Variants in NUP93 observed in about 807,000 individuals in gnomAD.
NUP93 encodes the protein nuclear pore complex protein Nup93.
A neutral mutation model predicts 107.8 loss-of-function variants in NUP93; 55 were observed. The ratio of observed to expected loss-of-function variants is 0.51; its 90% CI spans 0.41 to 0.64. The LOEUF (loss-of-function observed/expected upper bound fraction) is 0.64, where lower values mean the gene tolerates loss of function less well. NUP93 is among the 30% of genes least tolerant of loss of function. The probability of loss-of-function intolerance (pLI) is 0.00; values close to 1 mark genes in which losing one functional copy is unlikely to be tolerated. For missense variants in NUP93, 937 were observed against 1,044.7 expected (o/e 0.90, Z 1.42); for synonymous variants, 390 against 397.5 (o/e 0.98, Z 0.22).
At chr16:56,815,969 C>A (rs1374760788) in intron 5 of NUP93, among the ~76,000 whole-genome samples, 1 of 148,522 alleles carries the variant, frequency 6.7e-6, no homozygotes, top group Non-Finnish European at 1.5e-5. Context: ...CTACTCTCTA[C>A]TGTTCTGTGA....
intron 13 of NUP93, 97 bp from the exon 14 acceptor site, chr16:56,834,031 A>T: frequency 1.9e-6 from 3 of 1,546,652 alleles, no homozygotes; most frequent in Non-Finnish European, 1.8e-6. Context: ...GCAGGAGTAG[A>T]TGCTGCTGGG....
At chr16:56,767,042 G>C (rs1442457224) in intron 3 of NUP93, among the ~76,000 whole-genome samples, 1 of 152,222 alleles carries the variant, frequency 6.6e-6, no homozygotes, top group Non-Finnish European at 1.5e-5. Context: ...TTGCACTTCA[G>C]ATTTGGAGAG....
Position 56,833,332 on chromosome 16 carries a change from A to C in NUP93, c.1463A>C (p.His488Pro). 6.2e-7 allele frequency: 1 copy of C among 1,606,708 alleles called. No homozygotes were observed. The highest frequency in any genetic ancestry group is 1.1e-5 in the South Asian group (1 of 89,630). Reference protein sequence around the residue: ...FLFRMERLRCHAVHVALVLFE... With the variant: ...FLFRMERLRCPAVHVALVLFE... ...TTCCGCATGGAGCGGCTGCGCTGCC[A>C]TGCTGTCCATGTAGCACTGGTGCTG... is the stretch of plus-strand genomic sequence containing the variant. The change falls in exon 13 of 22, where the codon CAT (histidine) becomes CCT (proline). Residue 488 changes from histidine (H) to proline (P), a missense_variant. Physicochemically the swap from His to Pro is moderately conservative, Grantham distance 77. Transcript: ENST00000308159.
At chr16:56,742,216 C>T (rs539606094) in intron 1 of NUP93, among the ~76,000 whole-genome samples, 8 of 152,294 alleles carry the variant, frequency 5.3e-5, no homozygotes, top group South Asian at 4.1e-4. Flanking sequence ...AAAGAGGAAA[C>T]GAGATGGCAA....
chr16:56,841,978 C>T (rs2144651767), intron 21 of NUP93, 145 bp downstream of exon 21: 3 of 939,294 alleles, frequency 3.2e-6, no homozygotes, highest in South Asian at 2.0e-5. Context: ...TTAGGAGGCT[C>T]CCAGAGGAAA....
rs553816721 is a variant in NUP93, at chr16:56,809,532, A to G, written c.489+3900A>G. On this transcript the variant is annotated intron_variant, in intron 5 of 21. Transcript: ENST00000308159. ...TCCTGATAAGTCTTTTTTTCCCCCG[A>G]AGTTGTTTCATGAGTAGCTAAGATT... is the stretch of plus-strand genomic sequence containing the variant. Among the ~76,000 whole-genome samples the G allele has an allele frequency of 6.6e-5, 10 of 152,134 alleles. No individual in the cohort carries two copies. The South Asian group carries it at 2.1e-3, about 32-fold the overall frequency.
At chr16:56,779,162 C>T (rs1291708190) in intron 3 of NUP93, among the ~76,000 whole-genome samples, 1 of 152,164 alleles carries the variant, frequency 6.6e-6, no homozygotes, top group East Asian at 1.9e-4. Context: ...AGAGCAGAGC[C>T]CACCAAGTAT....
chr16:56,748,478 T>G (rs776173175), intron 2 of NUP93, 52 bp downstream of exon 2: 3 of 1,439,124 alleles, frequency 2.1e-6, no homozygotes, highest in Non-Finnish European at 2.8e-6. Flanking sequence ...GCGGGCAGGA[T>G]CTGTTTCTTC....
intron 20 of NUP93, chr16:56,840,024 T>G: frequency 5.6e-6 from 1 of 177,132 alleles, no homozygotes. Context: ...GTTTTGGGAT[T>G]TTTTTGTTTT....
chr16:56,805,341 C>T (rs2144572610), intron 4 of NUP93, 163 bp from the exon 5 acceptor site: 1 of 735,412 alleles, frequency 1.4e-6, no homozygotes. Context: ...AACCACCACG[C>T]TCAGCCAGTA....
intron 1 of NUP93, among the ~76,000 whole-genome samples, chr16:56,745,426 CTG>C (rs1287635161): frequency 1.3e-5 from 2 of 152,100 alleles, no homozygotes; most frequent in Non-Finnish European, 2.9e-5. Flanking sequence ...ATCTGACTGA[CTG>C]TAAAAGGATC....
In NUP93 at chr16:56,738,457, G is replaced by C. The variant is rs1338276786; in HGVS notation, c.-15+8246G>C. 2.6e-5 allele frequency among the ~76,000 whole-genome samples: 4 copies of C among 152,316 alleles called. No homozygotes were observed. The East Asian group carries it at 7.7e-4, about 29-fold the overall frequency. ...TGCAAACATTGAGTCACTGAGGGCA[G>C]TACTGCTACTAAATCACCCAAGTCT... On this transcript the variant is annotated intron_variant, in intron 1 of 21. Transcript: ENST00000308159.
intron 12 of NUP93, 74 bp from the exon 13 acceptor site, chr16:56,833,141 G>A (rs1420458602): frequency 7.5e-7 from 1 of 1,329,686 alleles, no homozygotes; most frequent in Admixed American, 2.3e-5. Flanking sequence ...CAGGGCTGCT[G>A]CCTGGGGGTT....
At chr16:56,817,264 C>G (rs530125788) in intron 5 of NUP93, among the ~76,000 whole-genome samples, 1 of 152,218 alleles carries the variant, frequency 6.6e-6, no homozygotes, top group African/African-American at 2.4e-5. Context: ...CCTCCTGGAA[C>G]CCAGGCATCC....
intron 3 of NUP93, among the ~76,000 whole-genome samples, chr16:56,760,615 G>A (rs1962107263): frequency 6.6e-6 from 1 of 152,102 alleles, no homozygotes; most frequent in Non-Finnish European, 1.5e-5. Context: ...GATCTCATAA[G>A]AACTCACTGT....
chr16:56,844,527 T>G lies in NUP93; in HGVS notation c.2378T>G (p.Ile793Ser). ...CTCCGAAGTCAAGCCCGCACTCTGA[T>G]TACCTTTGCTGGAATGATACCATAC... is the stretch of plus-strand genomic sequence containing the variant. ...SQLRSQARTL[I>S]TFAGMIPYRT... The change falls in exon 22 of 22, where the codon ATT becomes AGT. Residue 793 changes from isoleucine to serine, a missense_variant. Transcript: ENST00000308159. 6.5e-7 allele frequency: 1 copy of G among 1,530,470 alleles called. No individual in the cohort carries two copies. The highest frequency in any genetic ancestry group is 1.3e-5 in the South Asian group (1 of 78,726). 94.8% of individuals were successfully genotyped at this position (1,530,470 alleles called of 1,614,324 possible). A position where few individuals can be genotyped will look rare whatever the true frequency, so the allele number is the denominator to read the frequency against.
At chr16:56,838,892 C>G (rs921956829) in intron 18 of NUP93, 60 bp from the exon 19 acceptor site, 6 of 1,167,614 alleles carry the variant, frequency 5.1e-6, no homozygotes, top group Middle Eastern at 1.9e-4. Flanking sequence ...TCCACTGTTA[C>G]GGATTACACA....
intron 3 of NUP93, among the ~76,000 whole-genome samples, chr16:56,781,068 G>A (rs1179287938): frequency 6.6e-6 from 1 of 152,066 alleles, no homozygotes; most frequent in African/African-American, 2.4e-5. Context: ...AAAACGTGGA[G>A]GAAAAAAATC....
intron 16 of NUP93, 45 bp downstream of exon 16, chr16:56,834,823 G>T (rs1167032540): frequency 2.1e-6 from 3 of 1,436,970 alleles, no homozygotes; most frequent in Non-Finnish European, 2.9e-6. Flanking sequence ...AGCCATTGGG[G>T]ATTTATAAAT....
Sources: gnomAD v4.1 joint callset for allele counts (sites outside exome capture counted in the v4.1 genomes callset) on GRCh38, gnomAD v4.1.1 for gene constraint, MANE v1.5 for transcripts, NCBI Gene and HGNC (gene_info 2026-07-23, HGNC 2026-07-21) for gene names.